NID2: variants seen among roughly 807,000 people sequenced by gnomAD.
NID2 encodes nidogen-2.
In NID2, 83 loss-of-function variants were observed where a neutral mutation model predicts 145.4. The observed-to-expected ratio is 0.57, with a 90% CI of 0.48 to 0.69. NID2 has a LOEUF of 0.69. Ranked by LOEUF, NID2 falls within the 30% of genes least tolerant of loss-of-function variation. The pLI is 0.00. For missense variants in NID2, 1,807 were observed against 1,765.7 expected, an observed-to-expected ratio of 1.02 and a Z score of -0.42; for synonymous variants, 739 against 701.3, an observed-to-expected ratio of 1.05 and a Z score of -0.85.
At chr14:52,020,440 G>GA (rs983567039) in intron 12 of NID2, among the ~76,000 whole-genome samples, 2 of 152,018 alleles carry the variant, frequency 1.3e-5, no homozygotes, top group Non-Finnish European at 2.9e-5. Context: ...GTCGCTCACA[G>GA]AAAAAAACAA....
rs1310657732 is a variant in NID2, at chr14:52,007,894, TTC to T, written c.3794_3795del (p.Arg1265LysfsTer17). The T allele has an allele frequency of 6.2e-7, 1 of 1,613,932 alleles. No homozygotes were observed. Among genetic ancestry groups the T allele is most frequent in the South Asian group, 1.1e-5 (1 of 91,076 alleles). On this transcript the variant is annotated frameshift_variant, in exon 19 of 22. Coordinates refer to ENST00000216286, the MANE Select transcript of NID2 (RefSeq NM_007361.4). LOFTEE classifies it high-confidence loss of function. ...CCAATGTCTGTATTGATCAGAATTC[TTC>T]TGTTTTCTCCATCTAAAGATGACGT... ...IETSSLDGEN[R>X]RILINTDIGL... is the part of the protein sequence containing the mutation.
In NID2 at chr14:52,042,958, A is replaced by T. The variant is rs751995107; in HGVS notation, c.1430-27T>A. The stretch of plus-strand genomic sequence containing the variant: ...TGAAAAATAAAACAAACTTGCCTTA[A>T]AAGGACTAAATGATTCCAATGTCAC... On this transcript the variant is annotated intron_variant, in intron 5 of 21. Transcript: ENST00000216286. The T allele has an allele frequency of 2.6e-5, 42 of 1,613,146 alleles. No homozygotes were observed. The Middle Eastern group carries it at 6.6e-4, about 25-fold the overall frequency.
intron 12 of NID2, among the ~76,000 whole-genome samples, chr14:52,024,328 T>C (rs1469169770): frequency 6.6e-6 from 1 of 152,226 alleles, no homozygotes; most frequent in Non-Finnish European, 1.5e-5. Context: ...CTAGCAGACT[T>C]TCTCTGGCAT....
intron 9 of NID2, among the ~76,000 whole-genome samples, chr14:52,036,172 T>A (rs1416154658): frequency 6.6e-6 from 1 of 152,234 alleles, no homozygotes; most frequent in African/African-American, 2.4e-5. Context: ...TAACGCCCTA[T>A]GCTCTCATTA....
At chr14:52,068,499 G>GC (rs891115757) in intron 1 of NID2, among the ~76,000 whole-genome samples, 6 of 152,246 alleles carry the variant, frequency 3.9e-5, no homozygotes, top group African/African-American at 1.4e-4. Context: ...TAACTGCAAA[G>GC]CCCGCTGGCC....
At position 52,040,830 on chromosome 14, in the gene NID2, A is replaced by G; in HGVS notation, c.1847T>C (p.Met616Thr). 1.2e-6 allele frequency: 2 copies of G among 1,614,206 alleles called. No individual in the cohort carries two copies. The highest frequency in any genetic ancestry group is 1.7e-6 in the Non-Finnish European group (2 of 1,180,036). ...SLAGAAFTHD[M>T]EVTFYPGEET... ...CTCTCCCGGGTAGAATGTAACTTCC[A>G]TGTCATGGGTAAAGGCAGCACCTGG... The change falls in exon 8 of 22, where the codon ATG becomes ACG. Residue 616 changes from methionine to threonine, a missense_variant. Met to Thr is a moderately conservative substitution (Grantham distance 81). Coordinates refer to ENST00000216286, the MANE Select transcript of NID2 (RefSeq NM_007361.4).
intron 16 of NID2, 74 bp downstream of exon 16, chr14:52,014,213 C>CA (rs1566743747): frequency 6.3e-7 from 1 of 1,585,134 alleles, no homozygotes; most frequent in Admixed American, 1.7e-5. Flanking sequence ...CACCTCACTG[C>CA]AACAGGGCCT....
intron 5 of NID2, among the ~76,000 whole-genome samples, chr14:52,047,378 G>A (rs781494625): frequency 1.2e-4 from 18 of 152,098 alleles, no homozygotes; most frequent in South Asian, 2.1e-4. Context: ...GAGGGCAGGC[G>A]TGGTGCTGTG....
intron 9 of NID2, among the ~76,000 whole-genome samples, chr14:52,037,848 A>G (rs988005509): frequency 2.6e-4 from 40 of 152,228 alleles, no homozygotes; most frequent in Non-Finnish European, 5.6e-4. Flanking sequence ...GATGCAATGT[A>G]CAAGTACTGC....
At chr14:52,057,636 A>G (rs1466104944) in intron 3 of NID2, among the ~76,000 whole-genome samples, 1 of 143,544 alleles carries the variant, frequency 7.0e-6, no homozygotes, top group African/African-American at 2.6e-5. Context: ...CAGGAGGCAG[A>G]GGTTGCAATG....
chr14:52,047,697 G>A (rs1259665575), intron 5 of NID2, among the ~76,000 whole-genome samples: 3 of 152,144 alleles, frequency 2.0e-5, no homozygotes, highest in African/African-American at 7.2e-5. Flanking sequence ...CAGTCCTGAT[G>A]TGGGAAACCA....
intron 5 of NID2, 75 bp from the exon 6 acceptor site, chr14:52,043,006 C>A (rs1892343130): frequency 7.0e-7 from 1 of 1,430,102 alleles, no homozygotes; most frequent in African/African-American, 1.4e-5. Context: ...GACACAACAT[C>A]TGCTCCATAG....
intron 5 of NID2, among the ~76,000 whole-genome samples, chr14:52,051,766 C>T (rs1892686452): frequency 6.6e-6 from 1 of 152,174 alleles, no homozygotes; most frequent in Admixed American, 6.5e-5. Context: ...AGATTTCTTC[C>T]TCCAAAATGC....
rs762270046 is a variant in NID2, at chr14:52,053,888, C to A, written c.1120G>T (p.Val374Leu). The change falls in exon 5 of 22, where the codon GTA (valine) becomes TTA (leucine). Residue 374 changes from valine (V) to leucine (L), a missense_variant. Coordinates refer to ENST00000216286, the MANE Select transcript of NID2 (RefSeq NM_007361.4). Reference sequence around the variant, plus strand: ...TGGCCTTTTAAATCTGGGCCCCCTACCTCTCCCAGAGATGTTCCTTCTTTG... The same window carrying A: ...TGGCCTTTTAAATCTGGGCCCCCTAACTCTCCCAGAGATGTTCCTTCTTTG... Reference protein sequence around the residue: ...HTKEGTSLGEVGGPDLKGQVE... With the variant: ...HTKEGTSLGELGGPDLKGQVE... 16 of 1,614,000 alleles carry A rather than the reference C, an allele frequency of 9.9e-6. No homozygotes were observed. The highest frequency in any genetic ancestry group is 1.3e-5 in the Non-Finnish European group (15 of 1,179,990).
rs189328109 is a variant in NID2, at chr14:52,058,742, C to G, written c.767+1382G>C. Among the ~76,000 whole-genome samples the G allele has an allele frequency of 3.0e-3, 456 of 152,120 alleles. 2 individuals carry two copies. Among genetic ancestry groups the G allele is most frequent in the South Asian group, 0.02 (96 of 4,820 alleles). The stretch of plus-strand genomic sequence containing the variant: ...TTGTTGATCTATTTGTCTATCAACC[C>G]TAATAGGGTACAAGCTGCTGATGTG... On this transcript the variant is annotated intron_variant, in intron 3 of 21. Coordinates refer to ENST00000216286, the MANE Select transcript of NID2 (RefSeq NM_007361.4).
chr14:52,067,787 C>G, intron 2 of NID2, 71 bp downstream of exon 2: 2 of 1,566,060 alleles, frequency 1.3e-6, no homozygotes, highest in Non-Finnish European at 1.8e-6. Flanking sequence ...GAGCCAGTCC[C>G]TGGGTCGCTG....
At chr14:52,050,831 A>G (rs1595047316) in intron 5 of NID2, among the ~76,000 whole-genome samples, 1 of 152,122 alleles carries the variant, frequency 6.6e-6, no homozygotes, top group Non-Finnish European at 1.5e-5. Flanking sequence ...CTGGTCTCGA[A>G]CTCCCCACAG....
chr14:52,011,943 G>A, intron 16 of NID2: 1 of 383,246 alleles, frequency 2.6e-6, no homozygotes, highest in South Asian at 4.0e-5. Context: ...TGCCTCATAT[G>A]GTTGCTATAA....
intron 3 of NID2, among the ~76,000 whole-genome samples, chr14:52,059,773 G>A (rs1235076235): frequency 1.3e-5 from 2 of 152,190 alleles, no homozygotes; most frequent in Non-Finnish European, 2.9e-5. Context: ...GTTTCCTCCT[G>A]TGAAATGATT....
Sources: gnomAD v4.1 joint callset for allele counts (sites outside exome capture counted in the v4.1 genomes callset) on GRCh38, gnomAD v4.1.1 for gene constraint, MANE v1.5 for transcripts, NCBI Gene and HGNC (gene_info 2026-07-23, HGNC 2026-07-21) for gene names.